The following MILR1 variants were observed in gnomAD, a reference collection of about 807,000 sequenced individuals.
MILR1 encodes the protein mast cell immunoglobulin like receptor 1.
MILR1 carries 31 observed loss-of-function variants against 18.5 expected under a neutral mutation model. The ratio of observed to expected loss-of-function variants is 1.68; its 90% CI spans 1.26 to 2.26. The LOEUF is 2.26. MILR1 is among the 30% of genes most tolerant of loss of function. MILR1 has a pLI of 0.00. For synonymous variants in MILR1, 85 were observed against 56.2 expected (o/e 1.51, Z -2.30); for missense variants, 257 against 157.4 (o/e 1.63, Z -3.38).
chr17:64,468,435 C>T lies in MILR1; in HGVS notation c.*154C>T. The stretch of plus-strand genomic sequence containing the variant: ...TCCCGAGTAGCTGGGATTACAGGTG[C>T]CCGCTACCACGCCCAGCTAATTTTT... On this transcript the variant is annotated 3_prime_UTR_variant, in exon 10 of 10. Coordinates refer to ENST00000619286, the MANE Select transcript of MILR1 (RefSeq NM_001085423.2). The T allele has an allele frequency of 5.2e-6, 2 of 383,018 alleles. No individual in the cohort carries two copies. Among genetic ancestry groups the T allele is most frequent in the South Asian group, 2.0e-5 (1 of 50,990 alleles). The allele number at this position is 383,018 out of a possible 1,614,324, so 23.7% of individuals were successfully genotyped here.
At chr17:64,453,639 G>A (rs2037225921) in intron 3 of MILR1, among the ~76,000 whole-genome samples, 1 of 136,992 alleles carries the variant, frequency 7.3e-6, no homozygotes, top group South Asian at 2.6e-4. Context: ...GGCCCCATCC[G>A]CTAGCACTCT....
the MILR1 span, among the ~76,000 whole-genome samples, chr17:64,473,702 A>G: frequency 6.6e-6 from 1 of 152,208 alleles, no homozygotes; most frequent in Non-Finnish European, 1.5e-5. Context: ...AATAAATTCT[A>G]TAACATTTTG....
chr17:64,492,023 T>C, the MILR1 span, among the ~76,000 whole-genome samples: 3 of 152,172 alleles, frequency 2.0e-5, no homozygotes, highest in African/African-American at 7.2e-5. Flanking sequence ...ATATTGTTTT[T>C]TAGTAGGAAA....
the MILR1 span, among the ~76,000 whole-genome samples, chr17:64,492,127 G>C: frequency 6.6e-6 from 1 of 152,170 alleles, no homozygotes; most frequent in Non-Finnish European, 1.5e-5. Context: ...AAAGAAGAAA[G>C]TATCACATAG....
At chr17:64,482,963 C>A in the MILR1 span, 7 of 1,608,016 alleles carry the variant, frequency 4.4e-6, no homozygotes, top group Non-Finnish European at 6.0e-6. Context: ...TCCAAAGCAA[C>A]CTTAATAGGG....
At position 64,467,704 on chromosome 17, in the gene MILR1, C is replaced by A. The variant is rs1307745171; in HGVS notation, c.*28+59C>A. The A allele has an allele frequency of 4.8e-6, 5 of 1,036,958 alleles. No homozygotes were observed. The African/African-American group carries it at 6.4e-5, about 13-fold the overall frequency. 64.2% of individuals were successfully genotyped at this position (1,036,958 alleles called of 1,614,324 possible). A position where few individuals can be genotyped will look rare whatever the true frequency, so the allele number is the denominator to read the frequency against. On this transcript the variant is annotated intron_variant, in intron 9 of 9. Transcript: ENST00000619286. ...ACAAAAAGCAAACTTGAGGCTGAGG[C>A]AGGTGGATTACTTGAGGTCAGGAGT... is the stretch of plus-strand genomic sequence containing the variant.
At position 64,465,538 on chromosome 17, in the gene MILR1, G is replaced by C. The variant is rs1555662976; in HGVS notation, c.850G>C (p.Ala284Pro). The change falls in exon 6 of 10, where the codon GCA (alanine) becomes CCA (proline). Residue 284 changes from alanine (A) to proline (P), a missense_variant. By Grantham distance (27) the Ala-to-Pro change is conservative. Transcript: ENST00000619286. ...CTATGCAAATATCCTTGAAAAACAAGCAAGTAAGAGAACTTTGTTGCGTGT... is the reference window on the plus strand; with the variant it reads ...CTATGCAAATATCCTTGAAAAACAACCAAGTAAGAGAACTTTGTTGCGTGT... ...GIYANILEKQ[A>P]KEESVPEVGS... The C allele has an allele frequency of 1.2e-6, 2 of 1,604,512 alleles. No individual in the cohort carries two copies. The highest frequency in any genetic ancestry group is 2.7e-5 in the African/African-American group (2 of 74,780).
chr17:64,465,283 T>C (rs2037527874), intron 5 of MILR1, among the ~76,000 whole-genome samples, 169 bp from the exon 6 acceptor site: 1 of 152,204 alleles, frequency 6.6e-6, no homozygotes, highest in African/African-American at 2.4e-5. Context: ...GAGCGGTGTC[T>C]AGACTCCCTG....
the MILR1 span, chr17:64,492,680 T>C: frequency 6.2e-7 from 1 of 1,603,252 alleles, no homozygotes; most frequent in Non-Finnish European, 8.5e-7. Context: ...TCTCCACCAC[T>C]GGAGTCGATG....
At chr17:64,462,984 C>T (rs1050570505) in intron 5 of MILR1, among the ~76,000 whole-genome samples, 1 of 151,982 alleles carries the variant, frequency 6.6e-6, no homozygotes, top group Non-Finnish European at 1.5e-5. Context: ...CATTTCTATG[C>T]TTTCTAGATT....
chr17:64,496,898 C>A, the MILR1 span: 1 of 1,613,152 alleles, frequency 6.2e-7, no homozygotes, highest in Non-Finnish European at 8.5e-7. Flanking sequence ...CGCATCTACT[C>A]GACCCCCAAA....
At chr17:64,487,276 C>G in the MILR1 span, 1 of 152,168 alleles carries the variant, frequency 6.6e-6, no homozygotes, top group South Asian at 2.1e-4. Context: ...GGACTCTATT[C>G]TACCAGTTGT....
At chr17:64,464,413 A>C (rs2037503426) in intron 5 of MILR1, among the ~76,000 whole-genome samples, 2 of 151,440 alleles carry the variant, frequency 1.3e-5, no homozygotes, top group African/African-American at 4.9e-5. Flanking sequence ...TTAATTACAA[A>C]ATTCTTTTTA....
the MILR1 span, among the ~76,000 whole-genome samples, chr17:64,474,009 C>T: frequency 6.6e-6 from 1 of 152,150 alleles, no homozygotes; most frequent in African/African-American, 2.4e-5. Context: ...AAACCCCAGA[C>T]CCTCTGCAGT....
the MILR1 span, among the ~76,000 whole-genome samples, chr17:64,478,158 G>A: frequency 1.3e-5 from 2 of 152,296 alleles, no homozygotes; most frequent in South Asian, 4.1e-4. Context: ...TGTATTTAAA[G>A]TAATATTTTC....
chr17:64,497,048 G>A, the MILR1 span: 2 of 1,419,376 alleles, frequency 1.4e-6, no homozygotes, highest in Non-Finnish European at 2.0e-6. Context: ...ACAGAATCCG[G>A]AGAGGCCACG....
At position 64,449,325 on chromosome 17, in the gene MILR1, G is replaced by C. The variant is rs1389478719; in HGVS notation, c.67G>C (p.Val23Leu). The change falls in exon 2 of 10, where the codon GTA (valine) becomes CTA (leucine). Residue 23 changes from valine (V) to leucine (L), a missense_variant. By Grantham distance (32) the Val-to-Leu change is conservative. Transcript: ENST00000619286. ...CTTTTCTGTTTCAGGTAGAAAAGCT[G>C]TATTGGATTGTGAGGCAATGAAAAC... is the stretch of plus-strand genomic sequence containing the variant. ...IFSSVTCRKA[V>L]LDCEAMKTNE... 1.7e-5 allele frequency: 8 copies of C among 473,368 alleles called. No homozygotes were observed. Among genetic ancestry groups the C allele is most frequent in the African/African-American group, 4.0e-5 (2 of 50,510 alleles). 29.3% of individuals were successfully genotyped at this position (473,368 alleles called of 1,614,324 possible). A position where few individuals can be genotyped will look rare whatever the true frequency, so the allele number is the denominator to read the frequency against.
chr17:64,458,295 C>A (rs889914336), intron 4 of MILR1, among the ~76,000 whole-genome samples: 7 of 151,708 alleles, frequency 4.6e-5, no homozygotes, highest in Non-Finnish European at 7.4e-5. Flanking sequence ...TCATTGCAAC[C>A]TTTGCCTCCC....
chr17:64,480,467 C>A, the MILR1 span: 1 of 678,022 alleles, frequency 1.5e-6, no homozygotes, highest in Admixed American at 2.0e-5. Flanking sequence ...TGTGAAGCCA[C>A]AAATCACCCT....
Sources: gnomAD v4.1 joint callset for allele counts (sites outside exome capture counted in the v4.1 genomes callset) on GRCh38, gnomAD v4.1.1 for gene constraint, MANE v1.5 for transcripts, NCBI Gene and HGNC (gene_info 2026-07-23, HGNC 2026-07-21) for gene names.